The following TAFA1 variants were observed in gnomAD, a reference collection of about 807,000 sequenced individuals.
The protein encoded by TAFA1 is chemokine-like protein TAFA-1.
In TAFA1, 4 loss-of-function variants were observed where a neutral mutation model predicts 18.5. The ratio of observed to expected loss-of-function variants is 0.22; its 90% CI spans 0.11 to 0.49. The LOEUF (loss-of-function observed/expected upper bound fraction) is 0.49, where lower values mean the gene tolerates loss of function less well. TAFA1 is among the 20% of genes least tolerant of loss of function. The probability of loss-of-function intolerance (pLI) is 0.98; values close to 1 mark genes in which losing one functional copy is unlikely to be tolerated. For synonymous variants in TAFA1, 56 were observed against 55.2 expected, an observed-to-expected ratio of 1.01 and a Z score of -0.06; for missense variants, 147 against 169.0, an observed-to-expected ratio of 0.87 and a Z score of 0.72.
At chr3:68,134,692 C>T (rs1163128935) in intron 2 of TAFA1, among the ~76,000 whole-genome samples, 2 of 152,088 alleles carry the variant, frequency 1.3e-5, no homozygotes, top group Non-Finnish European at 2.9e-5. Flanking sequence ...TAAACAAATA[C>T]CTATCGACTC....
intron 3 of TAFA1, among the ~76,000 whole-genome samples, chr3:68,456,123 A>G (rs548239634): frequency 4.6e-5 from 7 of 152,288 alleles, no homozygotes; most frequent in African/African-American, 1.7e-4. Flanking sequence ...GGGACAAAGC[A>G]TCAATGGAGC....
At chr3:68,434,666 T>C (rs1278069091) in intron 3 of TAFA1, among the ~76,000 whole-genome samples, 1 of 152,128 alleles carries the variant, frequency 6.6e-6, no homozygotes, top group African/African-American at 2.4e-5. Flanking sequence ...AAAGGTAGAA[T>C]TACTCAATAT....
chr3:68,040,425 TGAGTA>T (rs1450598715), intron 2 of TAFA1, among the ~76,000 whole-genome samples: 1 of 152,148 alleles, frequency 6.6e-6, no homozygotes, highest in Non-Finnish European at 1.5e-5. Context: ...GGGGTTCAAC[TGAGTA>T]GAGTCAAGAA....
At chr3:68,531,784 C>T (rs934349188) in intron 3 of TAFA1, among the ~76,000 whole-genome samples, 2 of 152,054 alleles carry the variant, frequency 1.3e-5, no homozygotes, top group Admixed American at 1.3e-4. Flanking sequence ...TTAACAAGCA[C>T]CTGACCATCA....
chr3:68,318,473 T>C (rs1212946745), intron 2 of TAFA1, among the ~76,000 whole-genome samples: 2 of 152,208 alleles, frequency 1.3e-5, no homozygotes, highest in African/African-American at 2.4e-5. Flanking sequence ...TCGCCAAGCT[T>C]GAATGTCTTT....
chr3:68,470,827 T>C (rs1228017998), intron 3 of TAFA1, among the ~76,000 whole-genome samples: 1 of 152,190 alleles, frequency 6.6e-6, no homozygotes, highest in Non-Finnish European at 1.5e-5. Flanking sequence ...AAATTCAAGA[T>C]GGCTGTGGAA....
At chr3:68,029,118 C>T (rs1704878847) in intron 2 of TAFA1, among the ~76,000 whole-genome samples, 1 of 152,040 alleles carries the variant, frequency 6.6e-6, no homozygotes, top group Admixed American at 6.6e-5. Context: ...AGGGTAAGCT[C>T]CTTCTCTCAA....
chr3:68,015,928 C>T (rs528789777), intron 2 of TAFA1, among the ~76,000 whole-genome samples: 84 of 152,282 alleles, frequency 5.5e-4, no homozygotes, highest in African/African-American at 1.9e-3. Flanking sequence ...TGGCTGTCAG[C>T]TCTTGGAAAC....
intron 3 of TAFA1, among the ~76,000 whole-genome samples, chr3:68,481,201 G>A (rs556581659): frequency 6.6e-6 from 1 of 152,144 alleles, no homozygotes; most frequent in African/African-American, 2.4e-5. Context: ...CTGGATTTGA[G>A]ACTTGATTCT....
intron 2 of TAFA1, among the ~76,000 whole-genome samples, chr3:68,166,673 C>T (rs145902968): frequency 1.5e-4 from 23 of 152,216 alleles, no homozygotes; most frequent in Admixed American, 4.6e-4. Flanking sequence ...CCTTGTGAAG[C>T]GCATAATGGG....
At chr3:68,260,007 T>C (rs9757614) in intron 2 of TAFA1, among the ~76,000 whole-genome samples, 1 of 152,120 alleles carries the variant, frequency 6.6e-6, no homozygotes, top group African/African-American at 2.4e-5. Context: ...GGCATCCCTG[T>C]CTTGTGCCAG....
intron 2 of TAFA1, among the ~76,000 whole-genome samples, chr3:68,382,513 A>C (rs1199991653): frequency 1.3e-5 from 2 of 152,104 alleles, no homozygotes; most frequent in South Asian, 2.1e-4. Context: ...AGCTTTGTCA[A>C]AGATGAGATT....
intron 3 of TAFA1, among the ~76,000 whole-genome samples, chr3:68,478,678 C>T (rs1390675130): frequency 6.6e-6 from 1 of 152,050 alleles, no homozygotes; most frequent in Non-Finnish European, 1.5e-5. Flanking sequence ...TTTGAAACAA[C>T]TAGCAATTTA....
chr3:68,364,757 G>A (rs2069534118), intron 2 of TAFA1, among the ~76,000 whole-genome samples: 1 of 152,094 alleles, frequency 6.6e-6, no homozygotes, highest in Non-Finnish European at 1.5e-5. Context: ...ATATGTGCCA[G>A]GCAGAATTCT....
intron 2 of TAFA1, among the ~76,000 whole-genome samples, chr3:68,258,796 A>G (rs933018616): frequency 2.0e-5 from 3 of 152,170 alleles, no homozygotes; most frequent in Admixed American, 6.6e-5. Context: ...CTTCCTTGGG[A>G]TGTCACAGAA....
intron 4 of TAFA1, 138 bp from the exon 5 acceptor site, chr3:68,544,348 G>A (rs1468604717): frequency 2.6e-6 from 2 of 767,012 alleles, no homozygotes; most frequent in African/African-American, 3.5e-5. Context: ...TAAACTTTAA[G>A]ATTTTTGACT....
chr3:68,129,962 T>C (rs990033293), intron 2 of TAFA1, among the ~76,000 whole-genome samples: 2 of 152,352 alleles, frequency 1.3e-5, no homozygotes, highest in East Asian at 3.9e-4. Context: ...TAGAAGCCTA[T>C]ATGTGTCTTT....
chr3:68,079,755 G>C (rs1263835053), intron 2 of TAFA1, among the ~76,000 whole-genome samples: 2 of 152,100 alleles, frequency 1.3e-5, no homozygotes, highest in African/African-American at 4.8e-5. Flanking sequence ...TTTTGGAATA[G>C]GTGTGGTGTG....
intron 2 of TAFA1, among the ~76,000 whole-genome samples, chr3:68,259,747 T>C (rs1468294831): frequency 1.2e-4 from 18 of 151,828 alleles, no homozygotes; most frequent in African/African-American, 4.4e-4. Context: ...TTGTCTGTTA[T>C]TGGTGTATAA....
Sources: allele counts gnomAD v4.1 joint callset (sites outside exome capture counted in the v4.1 genomes callset), GRCh38; gene constraint gnomAD v4.1.1; transcripts MANE v1.5; gene names NCBI Gene and HGNC (gene_info 2026-07-23, HGNC 2026-07-21).